The following KALRN variants were observed in gnomAD, a reference collection of about 807,000 sequenced individuals.
The protein encoded by KALRN is kalirin.
In KALRN, 70 loss-of-function variants were observed where a neutral mutation model predicts 353.7. The observed-to-expected ratio is 0.20, with a 90% CI of 0.16 to 0.24. KALRN has a LOEUF of 0.24. Ranked by LOEUF, KALRN falls within the 10% of genes least tolerant of loss-of-function variation. The pLI, the probability that KALRN is intolerant of heterozygous loss-of-function variation, is 1.00. For synonymous variants in KALRN, 1,391 were observed against 1,434.8 expected (o/e 0.97, Z 0.69); for missense variants, 2,791 against 3,756.7 (o/e 0.74, Z 6.72).
At chr3:124,122,316 G>T (rs555577511) in intron 1 of KALRN, among the ~76,000 whole-genome samples, 1 of 151,900 alleles carries the variant, frequency 6.6e-6, no homozygotes, top group African/African-American at 2.4e-5. Context: ...TTATATGTAG[G>T]GGTGCACAAA....
Position 124,434,464 on chromosome 3 carries a change from A to ATG in KALRN, c.2987_2988insTG (p.Lys996AsnfsTer7). 6.2e-7 allele frequency: 1 copy of ATG among 1,614,254 alleles called. No homozygotes were observed. Among genetic ancestry groups the ATG allele is most frequent in the Non-Finnish European group, 8.5e-7 (1 of 1,180,028 alleles). On this transcript the variant is annotated frameshift_variant, in exon 17 of 60. Coordinates refer to ENST00000682506, the MANE Select transcript of KALRN (RefSeq NM_001388419.1). LOFTEE classifies it high-confidence loss of function. ...CTCCACTGGCAGCAGCTCATGCTGA[A>ATG]GATGGAAGACCGGCTAAAATTGGTC...
intron 15 of KALRN, among the ~76,000 whole-genome samples, chr3:124,429,243 C>T (rs2093164957): frequency 1.3e-5 from 2 of 152,152 alleles, no homozygotes; most frequent in South Asian, 4.1e-4. Context: ...TCCAAGTAGC[C>T]TAGCTTCAGT....
intron 1 of KALRN, among the ~76,000 whole-genome samples, chr3:124,202,181 C>A (rs2075998008): frequency 6.6e-6 from 1 of 152,224 alleles, no homozygotes; most frequent in African/African-American, 2.4e-5. Context: ...TTAGGAAAAA[C>A]ATCAGCATGA....
chr3:124,645,174 G>A (rs571642312), intron 37 of KALRN, among the ~76,000 whole-genome samples: 5 of 152,158 alleles, frequency 3.3e-5, no homozygotes, highest in South Asian at 2.1e-4. Flanking sequence ...TGATGGGGTC[G>A]TTTGTTTGTT....
chr3:124,542,076 T>C lies in KALRN; in HGVS notation c.4936-20767T>C, dbSNP rs527459837. On this transcript the variant is annotated intron_variant, in intron 33 of 59. Coordinates refer to ENST00000682506, the MANE Select transcript of KALRN (RefSeq NM_001388419.1). ...GTGGGCACAGAATGGACTGGCGTTA[T>C]GTGATAGAAGATGCTGCTGCCTCAG... is the stretch of plus-strand genomic sequence containing the variant. Among the ~76,000 whole-genome samples, 16 of 152,300 alleles carry C rather than the reference T, an allele frequency of 1.1e-4. No individual in the cohort carries two copies. In the South Asian group the frequency reaches 3.1e-3, roughly 30 times the overall value.
intron 1 of KALRN, among the ~76,000 whole-genome samples, chr3:124,212,816 T>C (rs2077013230): frequency 6.6e-6 from 1 of 152,174 alleles, no homozygotes; most frequent in Non-Finnish European, 1.5e-5. Context: ...ATTTAATGGA[T>C]TTTTAAAACA....
At chr3:124,218,718 C>T (rs887303370) in intron 1 of KALRN, among the ~76,000 whole-genome samples, 4 of 152,056 alleles carry the variant, frequency 2.6e-5, no homozygotes, top group Non-Finnish European at 4.4e-5. Flanking sequence ...AGAGGGAGGG[C>T]GGGAGGAAGA....
intron 1 of KALRN, among the ~76,000 whole-genome samples, chr3:124,190,702 A>G (rs2074804713): frequency 6.6e-6 from 1 of 152,256 alleles, no homozygotes; most frequent in South Asian, 2.1e-4. Flanking sequence ...CTGTAGTTAC[A>G]GTAGAGATAG....
chr3:124,072,837 G>C (rs1002699085), intron 1 of KALRN, among the ~76,000 whole-genome samples: 7 of 152,214 alleles, frequency 4.6e-5, no homozygotes, highest in Non-Finnish European at 1.0e-4. Context: ...TGGCCAGCCA[G>C]GGCACTTCTG....
intron 5 of KALRN, among the ~76,000 whole-genome samples, chr3:124,289,241 A>C (rs1331586389): frequency 6.6e-6 from 1 of 152,192 alleles, no homozygotes; most frequent in African/African-American, 2.4e-5. Context: ...CCTCCCCTCT[A>C]AATGCCATCA....
In KALRN at chr3:124,144,565, C is replaced by T. The variant is rs2149816542; in HGVS notation, c.74-83425C>T. Among the ~76,000 whole-genome samples, 2 of 151,936 alleles carry T rather than the reference C, an allele frequency of 1.3e-5. 1 individual carries two copies. Among genetic ancestry groups the T allele is most frequent in the South Asian group, 4.2e-4 (2 of 4,786 alleles). On this transcript the variant is annotated intron_variant, in intron 1 of 59. Coordinates refer to ENST00000682506, the MANE Select transcript of KALRN (RefSeq NM_001388419.1). ...TCCTCTTCCTCATCATCCTCCTCCTCCTATTCCTCATCCTCCTCCTCTTCC... is the reference window on the plus strand; with the variant it reads ...TCCTCTTCCTCATCATCCTCCTCCTTCTATTCCTCATCCTCCTCCTCTTCC...
At position 124,334,995 on chromosome 3, in the gene KALRN, A is replaced by G. The variant is rs530355661; in HGVS notation, c.1647+500A>G. ...TTTTTGGTGGAGACGGGGTTTCACC[A>G]TGTTGACCAGGCTGGTCTTGAACTC... is the stretch of plus-strand genomic sequence containing the variant. On this transcript the variant is annotated intron_variant, in intron 9 of 59. Transcript: ENST00000682506. This position sits in a 1 kb window ranked among gnomAD's most constrained non-coding sequence, Gnocchi z 4.2. 3.9e-5 allele frequency among the ~76,000 whole-genome samples: 6 copies of G among 152,240 alleles called. No individual in the cohort carries two copies. The East Asian group carries it at 1.2e-3, about 29-fold the overall frequency.
intron 51 of KALRN, among the ~76,000 whole-genome samples, chr3:124,684,221 A>T (rs1369487474): frequency 1.3e-5 from 2 of 152,028 alleles, no homozygotes; most frequent in Non-Finnish European, 2.9e-5. Flanking sequence ...TTTCTGAGGC[A>T]GCTTCTGGTT....
At chr3:124,261,515 C>T (rs963855902) in intron 3 of KALRN, among the ~76,000 whole-genome samples, 1 of 152,194 alleles carries the variant, frequency 6.6e-6, no homozygotes, top group Non-Finnish European at 1.5e-5. Context: ...GCACTCAGCT[C>T]CTGGGCCTCT....
intron 9 of KALRN, among the ~76,000 whole-genome samples, chr3:124,336,743 G>A (rs570610317): frequency 7.1e-4 from 108 of 152,302 alleles, no homozygotes; most frequent in African/African-American, 2.5e-3. Context: ...GACCCTGTCA[G>A]TTCATCACTT....
intron 34 of KALRN, among the ~76,000 whole-genome samples, chr3:124,588,447 T>C (rs2075426471): frequency 6.6e-6 from 1 of 152,108 alleles, no homozygotes; most frequent in Admixed American, 6.6e-5. Context: ...TGTTTTGAGA[T>C]GGAGTCTCGC....
chr3:124,152,050 G>C (rs565703570), intron 1 of KALRN: 24 of 1,396,250 alleles, frequency 1.7e-5, no homozygotes, highest in Admixed American at 1.3e-4. Flanking sequence ...TCTTCATTCT[G>C]TCTCATGGAG....
intron 33 of KALRN, among the ~76,000 whole-genome samples, chr3:124,544,599 T>G (rs1054821063): frequency 4.6e-5 from 7 of 151,916 alleles, no homozygotes; most frequent in African/African-American, 1.7e-4. Context: ...TATATCGATA[T>G]AGATACAGAT....
At chr3:124,058,870 A>G (rs906622403) in intron 1 of KALRN, among the ~76,000 whole-genome samples, 1 of 152,174 alleles carries the variant, frequency 6.6e-6, no homozygotes, top group Admixed American at 6.5e-5. Context: ...AAACTATATT[A>G]TTTCTATACT....
Sources: allele counts gnomAD v4.1 joint callset (sites outside exome capture counted in the v4.1 genomes callset), GRCh38; gene constraint gnomAD v4.1.1; non-coding constraint Gnocchi (gnomAD v3.1); transcripts MANE v1.5; gene names NCBI Gene and HGNC (gene_info 2026-07-23, HGNC 2026-07-21).